VPS36: variants seen among roughly 807,000 people sequenced by gnomAD.
VPS36 encodes vacuolar protein sorting 36 homolog.
A neutral mutation model predicts 63.5 loss-of-function variants in VPS36; 31 were observed. That is an observed-to-expected ratio of 0.49 (90% CI 0.37 to 0.66). The LOEUF is 0.66. Among genes scored for constraint, VPS36 ranks in the 30% least tolerant of loss-of-function variants. VPS36 has a pLI of 0.00. For missense variants in VPS36, 338 were observed against 463.7 expected, an observed-to-expected ratio of 0.73 and a Z score of 2.49; for synonymous variants, 138 against 157.2, an observed-to-expected ratio of 0.88 and a Z score of 0.91.
rs773900873 is a variant in VPS36, at chr13:52,450,481, G to C, written c.96+18C>G. 1 of 1,584,572 alleles carries C rather than the reference G, an allele frequency of 6.3e-7. No individual in the cohort carries two copies. Among genetic ancestry groups the C allele is most frequent in the African/African-American group, 1.4e-5 (1 of 71,748 alleles). On this transcript the variant is annotated intron_variant, in intron 1 of 13. Coordinates refer to ENST00000378060, the MANE Select transcript of VPS36 (RefSeq NM_016075.4). ...GTCCCTTCCGCCAGCCCGTTGGGAA[G>C]GTTGGCAGACGCCCTACCTTCTCCT...
At chr13:52,443,777 T>C (rs937308606) in intron 1 of VPS36, among the ~76,000 whole-genome samples, 1 of 152,226 alleles carries the variant, frequency 6.6e-6, no homozygotes. Context: ...GACCAAAACT[T>C]TAACCCTTAC....
chr13:52,417,871 A>G (rs541079802), intron 11 of VPS36, 121 bp downstream of exon 11: 120 of 752,906 alleles, frequency 1.6e-4, no homozygotes, highest in Non-Finnish European at 4.3e-5. Flanking sequence ...ATGAAATAAT[A>G]TAATTTCAAG....
At position 52,413,084 on chromosome 13, in the gene VPS36, C is replaced by T. The variant is rs762946157; in HGVS notation, c.*2746G>A. 5.2e-5 allele frequency: 8 copies of T among 152,622 alleles called. No homozygotes were observed. Among genetic ancestry groups the T allele is most frequent in the East Asian group, 1.9e-4 (1 of 5,204 alleles). The allele number at this position is 152,622 out of a possible 1,614,324, so 9.5% of individuals were successfully genotyped here. The stretch of plus-strand genomic sequence containing the variant: ...GCATGCTCAATTTTGTCCTTAGGCA[C>T]GGTCTTTAAAACCTAACCACCTTAC... On this transcript the variant is annotated 3_prime_UTR_variant, in exon 14 of 14. Transcript: ENST00000378060.
At chr13:52,425,073 C>A (rs1171389200) in intron 9 of VPS36, among the ~76,000 whole-genome samples, 5 of 150,788 alleles carry the variant, frequency 3.3e-5, no homozygotes, top group Non-Finnish European at 5.9e-5. Context: ...ACGGTGAAAC[C>A]CCATCTCTAC....
chr13:52,423,550 A>C, intron 10 of VPS36, 24 bp downstream of exon 10: 2 of 1,588,648 alleles, frequency 1.3e-6, no homozygotes, highest in South Asian at 1.1e-5. Flanking sequence ...TGGTTAAAAG[A>C]GTATTTAAAT....
chr13:52,434,013 A>G (rs922456712), intron 5 of VPS36, among the ~76,000 whole-genome samples: 1 of 152,228 alleles, frequency 6.6e-6, no homozygotes, highest in African/African-American at 2.4e-5. Flanking sequence ...TAAATTTCCT[A>G]TCATTTTCCT....
intron 1 of VPS36, among the ~76,000 whole-genome samples, chr13:52,449,701 G>T (rs956717132): frequency 3.9e-5 from 6 of 152,178 alleles, no homozygotes; most frequent in African/African-American, 1.2e-4. Context: ...TCCAGGACAA[G>T]ATATTTCATA....
At chr13:52,432,592 T>G (rs1213434443) in intron 6 of VPS36, among the ~76,000 whole-genome samples, 3 of 152,144 alleles carry the variant, frequency 2.0e-5, no homozygotes, top group Non-Finnish European at 2.9e-5. Flanking sequence ...AACTAATAGA[T>G]CTAGGCACTG....
chr13:52,446,074 C>T (rs1958339241), intron 1 of VPS36, among the ~76,000 whole-genome samples: 1 of 147,278 alleles, frequency 6.8e-6, no homozygotes, highest in South Asian at 2.1e-4. Flanking sequence ...CATGGTGAAA[C>T]CCCGTCTCTA....
At chr13:52,436,218 A>AACAC (rs150816705) in intron 4 of VPS36, 72 bp downstream of exon 4, 25,807 of 636,172 alleles carry the variant, frequency 0.041, 200 homozygotes, top group Middle Eastern at 0.055. Flanking sequence ...AACAAGCCAC[A>AACAC]ACACACACAC....
chr13:52,434,397 C>T (rs763172008), intron 5 of VPS36, among the ~76,000 whole-genome samples: 3 of 152,000 alleles, frequency 2.0e-5, no homozygotes, highest in Admixed American at 1.3e-4. Flanking sequence ...CTTGCTCTGT[C>T]GCCCAGGCTG....
chr13:52,442,529 T>A, intron 1 of VPS36, 84 bp from the exon 2 acceptor site: 1 of 1,135,938 alleles, frequency 8.8e-7, no homozygotes, highest in Non-Finnish European at 1.3e-6. Flanking sequence ...TATACCACAC[T>A]AAATTAATCA....
chr13:52,420,824 A>T (rs745490059), intron 10 of VPS36, among the ~76,000 whole-genome samples: 1 of 152,226 alleles, frequency 6.6e-6, no homozygotes, highest in East Asian at 1.9e-4. Context: ...AAGAAAAAAT[A>T]AAAATTTGGG....
intron 2 of VPS36, 95 bp downstream of exon 2, chr13:52,442,282 T>C (rs1958287806): frequency 8.8e-7 from 1 of 1,137,634 alleles, no homozygotes; most frequent in African/African-American, 1.6e-5. Flanking sequence ...AGCCCAGAGG[T>C]TACAGATCAG....
At chr13:52,449,231 T>C (rs1958374535) in intron 1 of VPS36, among the ~76,000 whole-genome samples, 1 of 152,142 alleles carries the variant, frequency 6.6e-6, no homozygotes, top group Non-Finnish European at 1.5e-5. Context: ...GTAATCCCAG[T>C]TACTCAGGAG....
At chr13:52,432,545 A>G (rs1407550424) in intron 6 of VPS36, among the ~76,000 whole-genome samples, 1 of 152,248 alleles carries the variant, frequency 6.6e-6, no homozygotes, top group Non-Finnish European at 1.5e-5. Context: ...TAAATGAAAA[A>G]TAAACACAGA....
At chr13:52,425,445 G>A (rs901008162) in intron 9 of VPS36, among the ~76,000 whole-genome samples, 3 of 152,122 alleles carry the variant, frequency 2.0e-5, no homozygotes, top group Non-Finnish European at 4.4e-5. Context: ...ATTTTGAGTG[G>A]AGGTTGGTTT....
At chr13:52,435,374 G>T (rs974925684) in intron 4 of VPS36, among the ~76,000 whole-genome samples, 3 of 151,546 alleles carry the variant, frequency 2.0e-5, no homozygotes, top group Admixed American at 2.0e-4. Flanking sequence ...TCTTGGATCA[G>T]CTTCAGAAAG....
chr13:52,447,398 C>T (rs1958354663), intron 1 of VPS36, among the ~76,000 whole-genome samples: 1 of 152,132 alleles, frequency 6.6e-6, no homozygotes, highest in Non-Finnish European at 1.5e-5. Flanking sequence ...ATATATGCTG[C>T]CAACTTGCCA....
Sources: gnomAD v4.1 joint callset for allele counts (sites outside exome capture counted in the v4.1 genomes callset) on GRCh38, gnomAD v4.1.1 for gene constraint, MANE v1.5 for transcripts, NCBI Gene and HGNC (gene_info 2026-07-23, HGNC 2026-07-21) for gene names.